KMT2C: variants seen among roughly 807,000 people sequenced by gnomAD.
KMT2C encodes the protein histone-lysine N-methyltransferase 2C.
A neutral mutation model predicts 507.9 loss-of-function variants in KMT2C; 88 were observed. The observed-to-expected ratio is 0.17, with a 90% CI of 0.15 to 0.21. The LOEUF is 0.21. Among genes scored for constraint, KMT2C ranks in the 10% least tolerant of loss-of-function variants. The probability of loss-of-function intolerance (pLI) is 1.00; values close to 1 mark genes in which losing one functional copy is unlikely to be tolerated. For missense variants in KMT2C, 4,954 were observed against 5,957.8 expected, an observed-to-expected ratio of 0.83 and a Z score of 5.55; for synonymous variants, 2,049 against 2,080.8, an observed-to-expected ratio of 0.98 and a Z score of 0.42.
At chr7:152,207,495 G>A in intron 23 of KMT2C, 67 bp from the exon 24 acceptor site, 5 of 1,432,998 alleles carry the variant, frequency 3.5e-6, no homozygotes, top group African/African-American at 1.4e-5. Context: ...CTACATAATG[G>A]GGAATAAAAA....
At chr7:152,250,359 T>C (rs1371658955) in intron 12 of KMT2C, among the ~76,000 whole-genome samples, 2 of 152,168 alleles carry the variant, frequency 1.3e-5, no homozygotes, top group African/African-American at 2.4e-5. Flanking sequence ...TGTGATTAAA[T>C]GTAACAAGTA....
chr7:152,434,338 T>C (rs1468989217), intron 1 of KMT2C, among the ~76,000 whole-genome samples: 2 of 152,168 alleles, frequency 1.3e-5, no homozygotes, highest in Non-Finnish European at 2.9e-5. Context: ...TTGAAGGCCC[T>C]GAATCATTTT....
chr7:152,183,125 C>A lies in KMT2C; in HGVS notation c.5114G>T (p.Arg1705Leu), dbSNP rs2129121601. 4 of 1,597,420 alleles carry A rather than the reference C, an allele frequency of 2.5e-6. No individual in the cohort carries two copies. Among genetic ancestry groups the A allele is most frequent in the Non-Finnish European group, 3.4e-6 (4 of 1,174,666 alleles). Residue 1705 changes from arginine to leucine, a missense_variant, in exon 35 of 59, where the codon CGC (arginine) becomes CTC (leucine). This residue lies in a region of KMT2C where 58 missense variants were observed against 63.3 expected (regional missense o/e 0.92). Coordinates refer to ENST00000262189, the MANE Select transcript of KMT2C (RefSeq NM_170606.3). ...ATTTGACATCTGTACTTTATTAATG[C>A]GTAAAGCAGCTCTGTTATCTCTGGC... is the stretch of plus-strand genomic sequence containing the variant. ...QKARDNRAAL[R>L]INKVQMSNDS...
At chr7:152,377,094 G>T (rs1178544284) in intron 1 of KMT2C, among the ~76,000 whole-genome samples, 4 of 152,310 alleles carry the variant, frequency 2.6e-5, no homozygotes, top group African/African-American at 9.6e-5. Flanking sequence ...ACTTGACGTT[G>T]AAGCTAATGC....
intron 1 of KMT2C, among the ~76,000 whole-genome samples, chr7:152,435,184 C>T (rs1485669573): frequency 2.0e-5 from 3 of 152,076 alleles, no homozygotes; most frequent in African/African-American, 7.2e-5. Flanking sequence ...ACCACCTGGC[C>T]CGGGCGTTTT....
chr7:152,420,908 T>C (rs377112499), intron 1 of KMT2C, among the ~76,000 whole-genome samples: 35 of 151,562 alleles, frequency 2.3e-4, no homozygotes, highest in African/African-American at 7.8e-4. Flanking sequence ...TTAGGAGATA[T>C]ACTTAATGTA....
intron 1 of KMT2C, among the ~76,000 whole-genome samples, chr7:152,423,254 C>T (rs893988908): frequency 1.3e-5 from 2 of 151,432 alleles, no homozygotes; most frequent in Admixed American, 1.3e-4. Flanking sequence ...GCAGGAGAAT[C>T]GCTTGAACTC....
At chr7:152,364,101 C>T (rs1270116549) in intron 1 of KMT2C, among the ~76,000 whole-genome samples, 4 of 152,152 alleles carry the variant, frequency 2.6e-5, no homozygotes, top group African/African-American at 9.7e-5. Context: ...TAAGTCTCAA[C>T]TTATCCTGAG....
chr7:152,162,577 G>A lies in KMT2C; in HGVS notation c.11000C>T (p.Ser3667Phe). ...CTGGCCTGCTGCCATATTGGGAGTG[G>A]ATGGGCCGACTGGTTCCACCGACTC... ...DQESVEPVGP[S>F]TPNMAAGQLC... The change falls in exon 43 of 59, where the codon TCC becomes TTC. Residue 3667 changes from serine to phenylalanine, a missense_variant. Around this residue, in one of 29 missense-constraint regions of KMT2C, gnomAD observed 801 missense variants for 751.2 expected, o/e 1.07. Transcript: ENST00000262189. 6.2e-7 allele frequency: 1 copy of A among 1,614,224 alleles called. No individual in the cohort carries two copies. Among genetic ancestry groups the A allele is most frequent in the Non-Finnish European group, 8.5e-7 (1 of 1,180,044 alleles).
In KMT2C at chr7:152,293,832, C is replaced by T. The variant is rs138399124; in HGVS notation, c.849+16134G>A. On this transcript the variant is annotated intron_variant, in intron 6 of 58. Coordinates refer to ENST00000262189, the MANE Select transcript of KMT2C (RefSeq NM_170606.3). ...CTCCAGAGTCAAGGTGTCAAGGTGA[C>T]GGGAAATAAACATATTCATTCATTC... Among the ~76,000 whole-genome samples, 518 of 152,176 alleles carry T rather than the reference C, an allele frequency of 3.4e-3. 4 individuals are homozygous for T. The highest frequency in any genetic ancestry group is 6.3e-3 in the Non-Finnish European group (428 of 68,004).
intron 6 of KMT2C, among the ~76,000 whole-genome samples, chr7:152,274,674 AAGAG>A (rs2096048432): frequency 6.6e-6 from 1 of 152,188 alleles, no homozygotes; most frequent in Admixed American, 6.5e-5. Context: ...ATTTTCTTTG[AAGAG>A]AGTTTGATGG....
rs748116385 is a variant in KMT2C at position 152,178,026 on chromosome 7, A to AC, written c.7443-17_7443-16insG. 9 of 1,386,880 alleles carry AC rather than the reference A, an allele frequency of 6.5e-6. No individual in the cohort carries two copies. Among genetic ancestry groups the AC allele is most frequent in the Non-Finnish European group, 8.3e-6 (9 of 1,083,074 alleles). 85.9% of individuals were successfully genotyped at this position (1,386,880 alleles called of 1,614,324 possible). A position where few individuals can be genotyped will look rare whatever the true frequency, so the allele number is the denominator to read the frequency against. On this transcript the variant is annotated splice_polypyrimidine_tract_variant and intron_variant, in intron 37 of 58. Coordinates refer to ENST00000262189, the MANE Select transcript of KMT2C (RefSeq NM_170606.3). ...AAATCCAAATCTTTTAAAAAAAAAA[A>AC]AAAAAAAAAAAAAAAAGCAAATAGG...
rs2129114328 is a variant in KMT2C at position 152,177,168 on chromosome 7, G to A, written c.8285C>T (p.Pro2762Leu). Residue 2762 changes from proline to leucine, a missense_variant, in exon 38 of 59, where the codon CCA becomes CTA. Around this residue, in one of 29 missense-constraint regions of KMT2C, gnomAD observed 1,689 missense variants for 1,654.3 expected, o/e 1.02. Coordinates refer to ENST00000262189, the MANE Select transcript of KMT2C (RefSeq NM_170606.3). ...TTTCTTATCTCCCATGTCAAGTTCT[G>A]GATCTGTATATGCAATGATATCAAA... is the stretch of plus-strand genomic sequence containing the variant. ...GEFDIIAYTDPELDMGDKKSM... is the reference protein window; with the variant it reads ...GEFDIIAYTDLELDMGDKKSM... 1 of 1,613,764 alleles carries A rather than the reference G, an allele frequency of 6.2e-7. No individual in the cohort carries two copies. Among genetic ancestry groups the A allele is most frequent in the Non-Finnish European group, 8.5e-7 (1 of 1,179,962 alleles).
chr7:152,359,042 A>G (rs1342048773), intron 1 of KMT2C, among the ~76,000 whole-genome samples: 1 of 152,206 alleles, frequency 6.6e-6, no homozygotes, highest in Non-Finnish European at 1.5e-5. Context: ...TTCACATACC[A>G]GGTTTAACTT....
At chr7:152,410,925 GT>G in intron 1 of KMT2C, among the ~76,000 whole-genome samples, 1 of 151,562 alleles carries the variant, frequency 6.6e-6, no homozygotes, top group East Asian at 2.0e-4. Flanking sequence ...GATCACTGGG[GT>G]TGGAAGGTCG....
At chr7:152,206,810 C>A (rs1233401218) in intron 24 of KMT2C, among the ~76,000 whole-genome samples, 1 of 152,156 alleles carries the variant, frequency 6.6e-6, no homozygotes, top group Non-Finnish European at 1.5e-5. Context: ...TTTAATCAGT[C>A]ATGGTTTTTA....
At chr7:152,323,446 T>C (rs545250447) in intron 3 of KMT2C, among the ~76,000 whole-genome samples, 9 of 151,844 alleles carry the variant, frequency 5.9e-5, no homozygotes, top group Non-Finnish European at 8.8e-5. Context: ...AAAACCAGCC[T>C]GGGCAACACA....
intron 1 of KMT2C, among the ~76,000 whole-genome samples, chr7:152,369,589 G>A (rs549944935): frequency 1.3e-5 from 2 of 152,300 alleles, no homozygotes; most frequent in African/African-American, 4.8e-5. Flanking sequence ...AGGTTGTTAA[G>A]AGGGATTAAT....
intron 14 of KMT2C, among the ~76,000 whole-genome samples, chr7:152,240,528 T>C (rs2095363665): frequency 6.6e-6 from 1 of 152,276 alleles, no homozygotes; most frequent in Non-Finnish European, 1.5e-5. Context: ...TTCTTATTTC[T>C]AGTTTTAATC....
Sources: gnomAD v4.1 joint callset for allele counts (sites outside exome capture counted in the v4.1 genomes callset) on GRCh38, gnomAD v4.1.1 for gene constraint, gnomAD v4.1.1 regional missense constraint, MANE v1.5 for transcripts, NCBI Gene and HGNC (gene_info 2026-07-23, HGNC 2026-07-21) for gene names.